ODF2L: variants seen among roughly 807,000 people sequenced by gnomAD.
ODF2L encodes the protein outer dense fiber of sperm tails 2 like, also known as protein BCAP.
ODF2L carries 76 observed loss-of-function variants against 86.3 expected under a neutral mutation model. That is an observed-to-expected ratio of 0.88 (90% CI 0.73 to 1.07). The LOEUF (loss-of-function observed/expected upper bound fraction) is 1.07, where lower values mean the gene tolerates loss of function less well. Ranked by LOEUF, ODF2L falls within the 50% of genes least tolerant of loss-of-function variation. The probability of loss-of-function intolerance (pLI) is 0.00; values close to 1 mark genes in which losing one functional copy is unlikely to be tolerated. For synonymous variants in ODF2L, 241 were observed against 231.3 expected (o/e 1.04, Z -0.38); for missense variants, 748 against 717.4 (o/e 1.04, Z -0.49).
chr1:86,384,586 T>C (rs753783174), intron 4 of ODF2L, 90 bp downstream of exon 4: 74 of 842,534 alleles, frequency 8.8e-5, no homozygotes, highest in Non-Finnish European at 1.2e-4. Context: ...CCATTTCAAA[T>C]ATACCAATAA....
exon 5 of ODF2L, chr1:86,383,191 T>C: frequency 1.9e-6 from 3 of 1,550,040 alleles, no homozygotes; most frequent in Non-Finnish European, 2.6e-6. Flanking sequence ...ATAAATTGTC[T>C]CCTGTCTGAG....
exon 18 of ODF2L, chr1:86,350,263 G>A (rs887446580): frequency 1.3e-5 from 2 of 152,000 alleles, no homozygotes; most frequent in Admixed American, 6.6e-5. Context: ...AGCCCCCCAC[G>A]CCCTGACAGG....
At chr1:86,382,954 A>G (rs1395140933) in exon 6 of ODF2L, 1 of 1,568,386 alleles carries the variant, frequency 6.4e-7, no homozygotes, top group South Asian at 1.1e-5. Context: ...AACAAACAAG[A>G]AAGTTCTTGG....
rs180852455 is a variant in ODF2L, at chr1:86,388,606, T to C, written c.-59-1520A>G. Among the ~76,000 whole-genome samples the C allele has an allele frequency of 3.2e-3, 487 of 152,182 alleles. 1 individual carries two copies. The highest frequency in any genetic ancestry group is 5.7e-3 in the Non-Finnish European group (387 of 67,932). On this transcript the variant is annotated intron_variant, in intron 1 of 17. Transcript: ENST00000317336. The stretch of plus-strand genomic sequence containing the variant: ...TTAAATTCACCCCTTGATTTGTCTT[T>C]TCAGGGATCATTAAAAGACAAATGG...
At chr1:86,380,293 G>T (rs1333872914) in intron 7 of ODF2L, among the ~76,000 whole-genome samples, 2 of 152,204 alleles carry the variant, frequency 1.3e-5, no homozygotes, top group African/African-American at 4.8e-5. Flanking sequence ...TTTTTTTGAA[G>T]AGTGACTAAG....
chr1:86,356,336 G>C, intron 14 of ODF2L, 108 bp downstream of exon 13: 2 of 775,024 alleles, frequency 2.6e-6, no homozygotes, highest in Admixed American at 2.6e-5. Context: ...GAACTAAGTA[G>C]ATGGGAATTT....
intron 1 of ODF2L, among the ~76,000 whole-genome samples, chr1:86,387,642 T>G (rs1570435921): frequency 6.6e-6 from 1 of 152,142 alleles, no homozygotes; most frequent in African/African-American, 2.4e-5. Context: ...CAGATGACAT[T>G]ACTTCCAAAT....
chr1:86,375,848 C>A (rs1164784834), intron 8 of ODF2L, among the ~76,000 whole-genome samples: 1 of 152,106 alleles, frequency 6.6e-6, no homozygotes, highest in Non-Finnish European at 1.5e-5. Flanking sequence ...AGTTCAATAC[C>A]CTTCATTCCA....
At chr1:86,366,391 TACACACACACACACACACACACACAC>T (rs71643841) in intron 11 of ODF2L, among the ~76,000 whole-genome samples, 1 of 119,298 alleles carries the variant, frequency 8.4e-6, no homozygotes, top group Non-Finnish European at 1.7e-5. Context: ...AGACCCCACC[TACACACACACACACACACACACACAC>T]ACACACACAC....
At chr1:86,378,942 C>G (rs1294606863) in intron 7 of ODF2L, among the ~76,000 whole-genome samples, 3 of 151,734 alleles carry the variant, frequency 2.0e-5, no homozygotes, top group Admixed American at 1.3e-4. Context: ...GTGGTTGGAT[C>G]ATGGGGGTTG....
At chr1:86,381,086 A>C (rs921888223) in intron 7 of ODF2L, among the ~76,000 whole-genome samples, 1 of 152,128 alleles carries the variant, frequency 6.6e-6, no homozygotes, top group Non-Finnish European at 1.5e-5. Context: ...ATGTAGAAAA[A>C]TTCATAGACT....
intron 11 of ODF2L, among the ~76,000 whole-genome samples, chr1:86,363,161 G>A (rs1483794140): frequency 3.9e-5 from 6 of 152,166 alleles, no homozygotes; most frequent in African/African-American, 1.2e-4. Flanking sequence ...ACTGGAAGCA[G>A]CGTATGAGAG....
chr1:86,359,882 A>C (rs1305851926), intron 12 of ODF2L, among the ~76,000 whole-genome samples: 2 of 152,172 alleles, frequency 1.3e-5, no homozygotes, highest in Non-Finnish European at 2.9e-5. Context: ...AAGGACCTGC[A>C]TAAGTCCCAT....
intron 2 of ODF2L, chr1:86,385,820 T>C (rs1437649258): frequency 1.9e-5 from 6 of 315,892 alleles, no homozygotes; most frequent in African/African-American, 4.3e-5. Flanking sequence ...GATGTACGTA[T>C]AGTTAAGTTT....
chr1:86,394,070 A>G (rs1380726329), intron 1 of ODF2L, among the ~76,000 whole-genome samples: 1 of 152,236 alleles, frequency 6.6e-6, no homozygotes, highest in African/African-American at 2.4e-5. Flanking sequence ...TTTACTGAGC[A>G]GAGCACTGAC....
At chr1:86,386,228 A>C (rs1660945000) in intron 2 of ODF2L, 1 of 152,232 alleles carries the variant, frequency 6.6e-6, no homozygotes, top group Non-Finnish European at 1.5e-5. Flanking sequence ...ACTCTAAAGA[A>C]GTATGACAAG....
At chr1:86,384,158 T>C (rs951352055) in intron 4 of ODF2L, among the ~76,000 whole-genome samples, 2 of 151,734 alleles carry the variant, frequency 1.3e-5, no homozygotes, top group Non-Finnish European at 3.0e-5. Context: ...ATTTTTATCA[T>C]AGGAAAAAGC....
intron 11 of ODF2L, among the ~76,000 whole-genome samples, chr1:86,367,209 T>G (rs1023524082): frequency 6.6e-6 from 1 of 152,054 alleles, no homozygotes; most frequent in African/African-American, 2.4e-5. Flanking sequence ...TTACTTTCAA[T>G]CTAGGTTGCT....
chr1:86,373,520 G>GAT (rs1014806868), intron 8 of ODF2L, among the ~76,000 whole-genome samples: 1 of 148,508 alleles, frequency 6.7e-6, no homozygotes, highest in African/African-American at 2.5e-5. Context: ...CATATATATT[G>GAT]ATATATATAA....
Sources: allele counts gnomAD v4.1 joint callset (sites outside exome capture counted in the v4.1 genomes callset), GRCh38; gene constraint gnomAD v4.1.1; transcripts MANE v1.5; gene names NCBI Gene and HGNC (gene_info 2026-07-23, HGNC 2026-07-21).